The following RFT1 variants were observed in gnomAD, a reference collection of about 807,000 sequenced individuals.
RFT1 encodes the protein RFT1 glycolipid translocator homolog.
A neutral mutation model predicts 62.2 loss-of-function variants in RFT1; 43 were observed. The observed-to-expected ratio is 0.69, with a 90% CI of 0.54 to 0.89. RFT1 has a LOEUF of 0.89. RFT1 is among the 40% of genes least tolerant of loss of function. RFT1 has a pLI of 0.00. For synonymous variants in RFT1, 262 were observed against 264.6 expected, an observed-to-expected ratio of 0.99 and a Z score of 0.10; for missense variants, 605 against 649.9, an observed-to-expected ratio of 0.93 and a Z score of 0.75.
At chr3:53,113,687 C>G (rs981738825) in intron 6 of RFT1, among the ~76,000 whole-genome samples, 2 of 151,956 alleles carry the variant, frequency 1.3e-5, no homozygotes, top group Non-Finnish European at 2.9e-5. Context: ...ACAAGTAATC[C>G]CTGTAAAAAA....
At chr3:53,103,382 G>T in intron 10 of RFT1, 1 of 493,546 alleles carries the variant, frequency 2.0e-6, no homozygotes, top group Non-Finnish European at 2.6e-6. Flanking sequence ...AACAAGTGCT[G>T]TGAGATCCTC....
intron 6 of RFT1, among the ~76,000 whole-genome samples, chr3:53,115,908 A>G (rs535269407): frequency 6.6e-6 from 1 of 152,342 alleles, no homozygotes; most frequent in Non-Finnish European, 1.5e-5. Context: ...TAGGGGCCTC[A>G]CTCAGGGCAC....
intron 1 of RFT1, among the ~76,000 whole-genome samples, chr3:53,128,839 C>G (rs1702182656): frequency 6.6e-6 from 1 of 152,180 alleles, no homozygotes; most frequent in Non-Finnish European, 1.5e-5. Flanking sequence ...AAAAGGCTCT[C>G]TCACATCTGT....
intron 11 of RFT1, among the ~76,000 whole-genome samples, chr3:53,094,350 C>T (rs1368215561): frequency 3.5e-4 from 8 of 22,990 alleles, no homozygotes; most frequent in Admixed American, 1.6e-3. Context: ...AAATACTACA[C>T]GCACACACAC....
At chr3:53,121,424 T>C (rs1178592323) in intron 5 of RFT1, among the ~76,000 whole-genome samples, 1 of 152,166 alleles carries the variant, frequency 6.6e-6, no homozygotes, top group African/African-American at 2.4e-5. Context: ...TGAAACAGGC[T>C]TGCCCACTGA....
At chr3:53,083,271 G>A in the RFT1 span, among the ~76,000 whole-genome samples, 1 of 149,662 alleles carries the variant, frequency 6.7e-6, no homozygotes, top group Non-Finnish European at 1.5e-5. Flanking sequence ...CAGCACTTTG[G>A]GAGGACAAGC....
At chr3:53,085,053 T>G (rs925001967), downstream of RFT1, among the ~76,000 whole-genome samples, 1 of 139,296 alleles carries the variant, frequency 7.2e-6, no homozygotes, top group Admixed American at 8.1e-5. Context: ...GCAGGGGCTT[T>G]GCACTCAGAA....
intron 10 of RFT1, among the ~76,000 whole-genome samples, chr3:53,102,782 G>C (rs1191137483): frequency 6.6e-6 from 1 of 152,226 alleles, no homozygotes; most frequent in Non-Finnish European, 1.5e-5. Context: ...ACTGGGGACA[G>C]CAGTGTTGCG....
At chr3:53,109,046 G>C (rs1375464818) in intron 7 of RFT1, among the ~76,000 whole-genome samples, 1 of 152,068 alleles carries the variant, frequency 6.6e-6, no homozygotes, top group African/African-American at 2.4e-5. Context: ...CTGACCCCAA[G>C]CTATCATTTT....
At chr3:53,112,687 G>A (rs1439222619) in intron 6 of RFT1, among the ~76,000 whole-genome samples, 1 of 152,192 alleles carries the variant, frequency 6.6e-6, no homozygotes, top group Non-Finnish European at 1.5e-5. Context: ...AGGTTGCAGT[G>A]AGCCAAGATG....
Position 53,111,881 on chromosome 3 carries a change from G to A in RFT1, c.724C>T (p.Leu242=). 6.2e-7 allele frequency: 1 copy of A among 1,613,898 alleles called. No individual in the cohort carries two copies. The highest frequency in any genetic ancestry group is 1.3e-5 in the African/African-American group (1 of 75,044). The change falls in exon 7 of 13, where the codon CTG becomes TTG. Residue 242 remains leucine, a synonymous_variant. Coordinates refer to ENST00000296292, the MANE Select transcript of RFT1 (RefSeq NM_052859.4). ...GAFINWKEAK[L]TWSFFKQSFL... is the part of the protein sequence containing the mutation. ...GACTGTTTGAAAAAACTCCAAGTCA[G>A]TTTAGCCTCTTTCCAGTTTATAAAC...
intron 2 of RFT1, among the ~76,000 whole-genome samples, chr3:53,124,901 G>A (rs759292827): frequency 7.2e-5 from 11 of 152,158 alleles, no homozygotes; most frequent in Non-Finnish European, 1.6e-4. Flanking sequence ...GAGCCCAAGA[G>A]GTCAAGGCTG....
the RFT1 span, among the ~76,000 whole-genome samples, chr3:53,068,027 G>A: frequency 1.3e-5 from 2 of 152,312 alleles, no homozygotes; most frequent in East Asian, 3.9e-4. Flanking sequence ...CACCTCCAAA[G>A]GGCTTTTCTG....
chr3:53,075,311 GCTCC>G, the RFT1 span, among the ~76,000 whole-genome samples: 5 of 152,340 alleles, frequency 3.3e-5, no homozygotes, highest in East Asian at 9.6e-4. Context: ...CATTTGGAGT[GCTCC>G]ATGCATCTTT....
chr3:53,098,825 A>AAT (rs1701227992), intron 11 of RFT1, among the ~76,000 whole-genome samples: 1 of 150,658 alleles, frequency 6.6e-6, no homozygotes, highest in Non-Finnish European at 1.5e-5. Context: ...AAAAAAAAAA[A>AAT]AGAACCACTG....
At chr3:53,084,185 G>C (rs1700811366), downstream of RFT1, among the ~76,000 whole-genome samples, 1 of 152,200 alleles carries the variant, frequency 6.6e-6, no homozygotes, top group African/African-American at 2.4e-5. Flanking sequence ...CTGGTGAAAG[G>C]ACTGGCTCCT....
At chr3:53,082,525 G>A in the RFT1 span, among the ~76,000 whole-genome samples, 5 of 152,198 alleles carry the variant, frequency 3.3e-5, no homozygotes, top group East Asian at 9.6e-4. Flanking sequence ...TAATAATAGA[G>A]GGGGGAAATT....
Position 53,121,738 on chromosome 3 carries a change from C to G in RFT1, c.519G>C (p.Trp173Cys), listed in dbSNP as rs759320646. The G allele has an allele frequency of 1.3e-5, 21 of 1,613,946 alleles. No homozygotes were observed. The highest frequency in any genetic ancestry group is 1.8e-5 in the Non-Finnish European group (21 of 1,179,970). ...AAATGTACAATCCCCAGTGAGGCAA[C>G]CACAGCACGAGAAAAGCTGTCAGAA... ...KSVLTAFLVL[W>C]LPHWGLYIFS... The change falls in exon 5 of 13, where the codon TGG (tryptophan) becomes TGC (cysteine). Residue 173 changes from tryptophan to cysteine, a missense_variant. Physicochemically the swap from Trp to Cys is radical, Grantham distance 215. Coordinates refer to ENST00000296292, the MANE Select transcript of RFT1 (RefSeq NM_052859.4).
rs1030372067 is a variant in RFT1 at position 53,099,486 on chromosome 3, C to T, written c.1103G>A (p.Gly368Asp). 6.2e-7 allele frequency: 1 copy of T among 1,613,412 alleles called. No individual in the cohort carries two copies. The highest frequency in any genetic ancestry group is 8.5e-7 in the Non-Finnish European group (1 of 1,179,512). ...ACAGTAGGAACGCAGCAAAACAGGA[C>T]CTACAAGGAAACAACTCACTGAGAC... is the stretch of plus-strand genomic sequence containing the variant. Reference protein sequence around the residue: ...YGGTMLSSGSGPVLLRSYCLY... With the variant: ...YGGTMLSSGSDPVLLRSYCLY... The change falls in exon 11 of 13, where the codon GGT becomes GAT. Residue 368 changes from glycine to aspartate, a missense_variant and splice_region_variant. Transcript: ENST00000296292.
Sources: allele counts gnomAD v4.1 joint callset (sites outside exome capture counted in the v4.1 genomes callset), GRCh38; gene constraint gnomAD v4.1.1; transcripts MANE v1.5; gene names NCBI Gene and HGNC (gene_info 2026-07-23, HGNC 2026-07-21).